Variants in MAPKAP1 observed in about 807,000 individuals in gnomAD.
The protein encoded by MAPKAP1 is target of rapamycin complex 2 subunit MAPKAP1.
MAPKAP1 carries 20 observed loss-of-function variants against 65.7 expected under a neutral mutation model. The observed-to-expected ratio is 0.30, with a 90% CI of 0.21 to 0.44. MAPKAP1 has a LOEUF of 0.44. Among genes scored for constraint, MAPKAP1 ranks in the 20% least tolerant of loss-of-function variants. The pLI, the probability that MAPKAP1 is intolerant of heterozygous loss-of-function variation, is 1.00. For missense variants in MAPKAP1, 423 were observed against 648.0 expected, an observed-to-expected ratio of 0.65 and a Z score of 3.77; for synonymous variants, 222 against 244.3, an observed-to-expected ratio of 0.91 and a Z score of 0.85.
chr9:125,662,637 C>A (rs1250925560), intron 3 of MAPKAP1, among the ~76,000 whole-genome samples: 1 of 151,914 alleles, frequency 6.6e-6, no homozygotes, highest in East Asian at 1.9e-4. Flanking sequence ...GAGCCAAGAT[C>A]GTGCCACTGC....
chr9:125,459,854 G>GGAAAGAGA (rs71374270), intron 10 of MAPKAP1, among the ~76,000 whole-genome samples: 108 of 127,350 alleles, frequency 8.5e-4, no homozygotes, highest in Non-Finnish European at 1.0e-3. Context: ...GGGAGACCGT[G>GGAAAGAGA]GGGAGAGGGA....
At chr9:125,481,966 C>T (rs941545079) in intron 9 of MAPKAP1, among the ~76,000 whole-genome samples, 9 of 151,292 alleles carry the variant, frequency 5.9e-5, no homozygotes, top group Non-Finnish European at 1.0e-4. Flanking sequence ...CCCGTCTCTA[C>T]TAAAAATACA....
chr9:125,577,233 C>A (rs1831441204), intron 5 of MAPKAP1, among the ~76,000 whole-genome samples: 1 of 151,760 alleles, frequency 6.6e-6, no homozygotes, highest in African/African-American at 2.4e-5. Context: ...TGAGGAGACC[C>A]TCTGCCTGGC....
intron 4 of MAPKAP1, among the ~76,000 whole-genome samples, chr9:125,638,996 T>C (rs1230035321): frequency 2.0e-5 from 3 of 152,062 alleles, no homozygotes. Flanking sequence ...CTGAACACTT[T>C]GGGAGGCTGA....
rs115832413 is a variant in MAPKAP1 at position 125,444,738 on chromosome 9, G to A, written c.1346-140C>T. ...CACCTAGTCTTCCCAGGAGTAGTTCGTTTTCTCATTACAGGCTGGGTATAA... is the reference window on the plus strand; with the variant it reads ...CACCTAGTCTTCCCAGGAGTAGTTCATTTTCTCATTACAGGCTGGGTATAA... On this transcript the variant is annotated intron_variant, in intron 10 of 11. Transcript: ENST00000265960. 555 of 572,014 alleles carry A rather than the reference G, an allele frequency of 9.7e-4. 5 individuals carry two copies. The highest frequency in any genetic ancestry group is 9.7e-3 in the African/African-American group (509 of 52,704). 35.4% of individuals were successfully genotyped at this position (572,014 alleles called of 1,614,324 possible). A position where few individuals can be genotyped will look rare whatever the true frequency, so the allele number is the denominator to read the frequency against.
intron 1 of MAPKAP1, among the ~76,000 whole-genome samples, chr9:125,678,880 C>T (rs1324376954): frequency 6.6e-6 from 1 of 152,040 alleles, no homozygotes; most frequent in African/African-American, 2.4e-5. Flanking sequence ...GAAACTTGCC[C>T]AAAGCCAGAC....
intron 1 of MAPKAP1, among the ~76,000 whole-genome samples, chr9:125,704,599 G>A (rs955502877): frequency 3.3e-5 from 5 of 152,200 alleles, no homozygotes; most frequent in African/African-American, 7.2e-5. Context: ...GTAGATCCTC[G>A]AAGTATTTAT....
chr9:125,690,975 G>C (rs1835148901), intron 1 of MAPKAP1, among the ~76,000 whole-genome samples: 1 of 152,108 alleles, frequency 6.6e-6, no homozygotes, highest in Non-Finnish European at 1.5e-5. Context: ...ATAAAAACTG[G>C]TAGAGGCCGG....
chr9:125,438,758 C>G lies in MAPKAP1; in HGVS notation c.*129G>C. The G allele has an allele frequency of 7.7e-7, 1 of 1,300,498 alleles. No homozygotes were observed. Among genetic ancestry groups the G allele is most frequent in the Non-Finnish European group, 1.1e-6 (1 of 935,038 alleles). 80.6% of individuals were successfully genotyped at this position (1,300,498 alleles called of 1,614,324 possible). A position where few individuals can be genotyped will look rare whatever the true frequency, so the allele number is the denominator to read the frequency against. On this transcript the variant is annotated 3_prime_UTR_variant, in exon 12 of 12. Coordinates refer to ENST00000265960, the MANE Select transcript of MAPKAP1 (RefSeq NM_001006617.3). ...CCCGACACCTTCCCCGAGAGCCCAC[C>G]TGCCCTGTGCCAGTGAGCCAGGGGC...
intron 6 of MAPKAP1, among the ~76,000 whole-genome samples, chr9:125,554,383 G>A (rs927401636): frequency 6.6e-6 from 1 of 152,164 alleles, no homozygotes; most frequent in African/African-American, 2.4e-5. Context: ...GGAAGGGGTT[G>A]GAGGTGAGCA....
At chr9:125,597,038 A>G (rs1315400092) in intron 4 of MAPKAP1, among the ~76,000 whole-genome samples, 1 of 150,982 alleles carries the variant, frequency 6.6e-6, no homozygotes, top group Non-Finnish European at 1.5e-5. Flanking sequence ...CAAGGCGGGC[A>G]GATCACGAGG....
At chr9:125,524,475 TTATC>T (rs1829707404) in intron 7 of MAPKAP1, among the ~76,000 whole-genome samples, 1 of 152,244 alleles carries the variant, frequency 6.6e-6, no homozygotes. Flanking sequence ...CTCAAGCTTC[TTATC>T]TTAAACAGGT....
intron 4 of MAPKAP1, among the ~76,000 whole-genome samples, chr9:125,611,020 A>C (rs1004945380): frequency 1.3e-5 from 2 of 152,248 alleles, no homozygotes; most frequent in Non-Finnish European, 2.9e-5. Flanking sequence ...GAGTAAGTGC[A>C]AGAGACTATA....
chr9:125,619,636 A>G (rs1057190520), intron 4 of MAPKAP1, among the ~76,000 whole-genome samples: 2 of 152,138 alleles, frequency 1.3e-5, no homozygotes, highest in Non-Finnish European at 1.5e-5. Context: ...ACCTTCATAT[A>G]TACGAACATA....
At chr9:125,486,319 T>C (rs1009844251) in intron 8 of MAPKAP1, among the ~76,000 whole-genome samples, 2 of 152,156 alleles carry the variant, frequency 1.3e-5, no homozygotes, top group African/African-American at 4.8e-5. Flanking sequence ...CAGCTGTTGG[T>C]GCCATCACCA....
At chr9:125,516,819 A>G (rs927576803) in intron 7 of MAPKAP1, among the ~76,000 whole-genome samples, 6 of 152,260 alleles carry the variant, frequency 3.9e-5, no homozygotes, top group South Asian at 2.1e-4. Flanking sequence ...TGCCTAGCAC[A>G]TAAGTACTTA....
chr9:125,539,952 A>C (rs1830192170), intron 7 of MAPKAP1, among the ~76,000 whole-genome samples: 1 of 152,248 alleles, frequency 6.6e-6, no homozygotes, highest in Non-Finnish European at 1.5e-5. Context: ...ACATACTGTG[A>C]AAAGACTACT....
Position 125,672,656 on chromosome 9 carries a change from T to C in MAPKAP1, c.-69-13A>G. On this transcript the variant is annotated splice_polypyrimidine_tract_variant and intron_variant, in intron 1 of 11. Coordinates refer to ENST00000265960, the MANE Select transcript of MAPKAP1 (RefSeq NM_001006617.3). ...CGAGCTCACCTACCTAGAAACATGA[T>C]GTACACAGCAAATATTTAAGAATAA... 6.9e-7 allele frequency: 1 copy of C among 1,454,672 alleles called. No individual in the cohort carries two copies. The highest frequency in any genetic ancestry group is 9.5e-7 in the Non-Finnish European group (1 of 1,056,696). The allele number at this position is 1,454,672 out of a possible 1,614,324, so 90.1% of individuals were successfully genotyped here.
chr9:125,635,314 C>T (rs1473841314), intron 4 of MAPKAP1, among the ~76,000 whole-genome samples: 2 of 152,174 alleles, frequency 1.3e-5, no homozygotes, highest in African/African-American at 2.4e-5. Context: ...GAAACATTTC[C>T]CAATACTACA....
Sources: allele counts gnomAD v4.1 joint callset (sites outside exome capture counted in the v4.1 genomes callset), GRCh38; gene constraint gnomAD v4.1.1; transcripts MANE v1.5; gene names NCBI Gene and HGNC (gene_info 2026-07-23, HGNC 2026-07-21).